The following OSBPL10 variants were observed in gnomAD, a reference collection of about 807,000 sequenced individuals.
OSBPL10 encodes the protein oxysterol-binding protein-related protein 10.
Under a neutral mutation model 81.7 loss-of-function variants are expected in OSBPL10, and 49 were observed. The ratio of observed to expected loss-of-function variants is 0.60; its 90% CI spans 0.48 to 0.76. The LOEUF (loss-of-function observed/expected upper bound fraction) is 0.76. Among genes scored for constraint, OSBPL10 ranks in the 30% least tolerant of loss-of-function variants. The pLI is 0.00. For synonymous variants in OSBPL10, 419 were observed against 383.6 expected (o/e 1.09, Z -1.08); for missense variants, 923 against 987.8 (o/e 0.93, Z 0.88).
chr3:31,803,094 G>T (rs1291818955), intron 4 of OSBPL10, among the ~76,000 whole-genome samples: 1 of 148,062 alleles, frequency 6.8e-6, no homozygotes, highest in Non-Finnish European at 1.5e-5. Flanking sequence ...ATAATTTTTT[G>T]TGAATCAATG....
At position 31,801,648 on chromosome 3, in the gene OSBPL10, G is replaced by T. The variant is rs76739398; in HGVS notation, c.729+28392C>A. Among the ~76,000 whole-genome samples, 15 of 152,278 alleles carry T rather than the reference G, an allele frequency of 9.9e-5. No homozygotes were observed. In the East Asian group the frequency reaches 2.9e-3, roughly 29 times the overall value. On this transcript the variant is annotated intron_variant, in intron 4 of 11. Coordinates refer to ENST00000396556, the MANE Select transcript of OSBPL10 (RefSeq NM_017784.5). ...AAGATGTAGGTCCGTGTCCTGAAAG[G>T]TTACACTCCAGGAGCAAGCAGGACC... is the stretch of plus-strand genomic sequence containing the variant.
chr3:31,899,411 G>T lies in OSBPL10; in HGVS notation c.282-19581C>A, dbSNP rs1204066057. Among the ~76,000 whole-genome samples, 3 of 152,176 alleles carry T rather than the reference G, an allele frequency of 2.0e-5. No individual in the cohort carries two copies. In the East Asian group the frequency reaches 5.8e-4, roughly 29 times the overall value. On this transcript the variant is annotated intron_variant, in intron 1 of 11. Transcript: ENST00000396556. The stretch of plus-strand genomic sequence containing the variant: ...ACAAGATGGGGTGGGGTGGAAAGAA[G>T]AAACATAGAAAAAGCTGGACAGATA...
At chr3:31,708,692 A>G in intron 6 of OSBPL10, 1 of 978,656 alleles carries the variant, frequency 1.0e-6, no homozygotes, top group South Asian at 4.7e-5. Context: ...TGAATGCCAA[A>G]TGGTTGATCC....
chr3:31,786,379 C>T (rs1331788595), intron 4 of OSBPL10, among the ~76,000 whole-genome samples: 1 of 152,168 alleles, frequency 6.6e-6, no homozygotes, highest in Non-Finnish European at 1.5e-5. Context: ...CCTGAGACAT[C>T]TCAGTCCACT....
intron 4 of OSBPL10, among the ~76,000 whole-genome samples, chr3:31,785,271 T>C (rs2125780614): frequency 6.6e-6 from 1 of 152,292 alleles, no homozygotes; most frequent in South Asian, 2.1e-4. Context: ...ATGACCTCAA[T>C]TTTATCCAAA....
At chr3:31,774,127 A>G (rs1295240047) in intron 4 of OSBPL10, among the ~76,000 whole-genome samples, 1 of 147,376 alleles carries the variant, frequency 6.8e-6, no homozygotes, top group African/African-American at 2.6e-5. Context: ...GCACCACTTC[A>G]CTCCAGCCTG....
At chr3:31,889,223 A>T (rs1018024620) in intron 1 of OSBPL10, among the ~76,000 whole-genome samples, 1 of 152,226 alleles carries the variant, frequency 6.6e-6, no homozygotes, top group African/African-American at 2.4e-5. Flanking sequence ...CAGTATAGCA[A>T]TTATGGAAAA....
intron 4 of OSBPL10, among the ~76,000 whole-genome samples, chr3:31,771,635 G>GT (rs1452162596): frequency 2.6e-5 from 4 of 152,134 alleles, no homozygotes; most frequent in African/African-American, 9.7e-5. Context: ...AATCACCCCT[G>GT]TCACCTGGAC....
chr3:31,866,628 G>C (rs770200854), intron 3 of OSBPL10, among the ~76,000 whole-genome samples: 4 of 152,146 alleles, frequency 2.6e-5, no homozygotes, highest in Non-Finnish European at 5.9e-5. Context: ...GGCGGGGGAG[G>C]AGAGTTAGGG....
intron 4 of OSBPL10, among the ~76,000 whole-genome samples, chr3:31,792,740 A>AGTGTGTGTGTGT (rs10575874): frequency 5.2e-5 from 7 of 133,702 alleles, no homozygotes; most frequent in East Asian, 2.3e-4. Context: ...CCAGACACAG[A>AGTGTGTGTGTGT]GTGTGTGTGT....
At position 31,959,040 on chromosome 3, in the gene OSBPL10, T is replaced by A. The variant is rs570916762; in HGVS notation, c.281+21859A>T. 7.2e-5 allele frequency among the ~76,000 whole-genome samples: 11 copies of A among 152,286 alleles called. No homozygotes were observed. The South Asian group carries it at 2.3e-3, about 32-fold the overall frequency. On this transcript the variant is annotated intron_variant, in intron 1 of 11. Coordinates refer to ENST00000396556, the MANE Select transcript of OSBPL10 (RefSeq NM_017784.5). Reference sequence around the variant, plus strand: ...TCAGGGCCCTAGAAGACACTTCCAGTAATTGTGATCCAAAGTAGCAGTTCA... The same window carrying A: ...TCAGGGCCCTAGAAGACACTTCCAGAAATTGTGATCCAAAGTAGCAGTTCA...
intron 4 of OSBPL10, among the ~76,000 whole-genome samples, chr3:31,813,118 T>C (rs1699750656): frequency 6.6e-6 from 1 of 152,212 alleles, no homozygotes; most frequent in Non-Finnish European, 1.5e-5. Context: ...TTTAAGACTG[T>C]TATCCTTGGA....
At chr3:31,863,221 C>T (rs1356882996) in intron 3 of OSBPL10, among the ~76,000 whole-genome samples, 1 of 151,984 alleles carries the variant, frequency 6.6e-6, no homozygotes, top group African/African-American at 2.4e-5. Flanking sequence ...GAGGCAAATC[C>T]ATAGAGACAG....
intron 4 of OSBPL10, among the ~76,000 whole-genome samples, chr3:31,761,442 A>C (rs1698037196): frequency 6.6e-6 from 1 of 151,164 alleles, no homozygotes; most frequent in African/African-American, 2.4e-5. Context: ...ATTGCACTCC[A>C]ACCTGGGCAA....
chr3:31,725,836 T>A (rs1353357674), intron 6 of OSBPL10, among the ~76,000 whole-genome samples: 1 of 151,808 alleles, frequency 6.6e-6, no homozygotes, highest in Non-Finnish European at 1.5e-5. Context: ...ATGAACCTCA[T>A]CGTTCACATT....
chr3:32,045,492 A>G (rs1171911169), intron 2 of OSBPL10, among the ~76,000 whole-genome samples: 2 of 152,232 alleles, frequency 1.3e-5, no homozygotes, highest in Admixed American at 6.5e-5. Flanking sequence ...CTTTGTGTAC[A>G]CGGTGAAAAG....
intron 4 of OSBPL10, among the ~76,000 whole-genome samples, chr3:31,782,850 T>C (rs1698732838): frequency 6.6e-6 from 1 of 152,120 alleles, no homozygotes. Flanking sequence ...GAACGTCAAC[T>C]AGCGTAACCA....
chr3:31,887,907 C>G (rs1233570317), intron 1 of OSBPL10, among the ~76,000 whole-genome samples: 2 of 152,174 alleles, frequency 1.3e-5, no homozygotes, highest in Non-Finnish European at 2.9e-5. Context: ...CAGAGTCCCA[C>G]CACTGCCACC....
rs537149885 is a variant in OSBPL10 at position 31,795,134 on chromosome 3, C to CTT, written c.729+34904_729+34905dup. 3.9e-3 allele frequency: 276 copies of CTT among 71,516 alleles called. 18 individuals are homozygous for CTT. Among genetic ancestry groups the CTT allele is most frequent in the Admixed American group, 0.021 (91 of 4,318 alleles). 4.4% of individuals were successfully genotyped at this position (71,516 alleles called of 1,614,324 possible). A position where few individuals can be genotyped will look rare whatever the true frequency, so the allele number is the denominator to read the frequency against. ...TACAGCTGCGAAGAATTCATAAAAC[C>CTT]TTTTTTTTTTTTTTTTTTTTTTTTT... is the stretch of plus-strand genomic sequence containing the variant. On this transcript the variant is annotated intron_variant, in intron 4 of 11. Coordinates refer to ENST00000396556, the MANE Select transcript of OSBPL10 (RefSeq NM_017784.5).
Sources: gnomAD v4.1 joint callset for allele counts (sites outside exome capture counted in the v4.1 genomes callset) on GRCh38, gnomAD v4.1.1 for gene constraint, MANE v1.5 for transcripts, NCBI Gene and HGNC (gene_info 2026-07-23, HGNC 2026-07-21) for gene names.